The following RBFOX3 variants were observed in gnomAD, a reference collection of about 807,000 sequenced individuals.
RBFOX3 encodes the protein RNA binding fox-1 homolog 3.
RBFOX3 carries 17 observed loss-of-function variants against 48.7 expected under a neutral mutation model. That is an observed-to-expected ratio of 0.35 (90% CI 0.24 to 0.52). The LOEUF is 0.52. RBFOX3 is among the 20% of genes least tolerant of loss of function. The probability of loss-of-function intolerance (pLI) is 0.94; values close to 1 mark genes in which losing one functional copy is unlikely to be tolerated. For missense variants in RBFOX3, 382 were observed against 497.5 expected (o/e 0.77, Z 2.21); for synonymous variants, 212 against 209.5 (o/e 1.01, Z -0.10).
At chr17:79,412,658 A>C (rs570633469) in intron 2 of RBFOX3, among the ~76,000 whole-genome samples, 1 of 150,140 alleles carries the variant, frequency 6.7e-6, no homozygotes, top group Non-Finnish European at 1.5e-5. Flanking sequence ...GTTGTGTGTG[A>C]TATGTGTGAG....
chr17:79,156,835 T>C lies in RBFOX3; in HGVS notation c.-33-41087A>G, dbSNP rs1470001543. 3.3e-5 allele frequency among the ~76,000 whole-genome samples: 5 copies of C among 152,186 alleles called. No individual in the cohort carries two copies. In the South Asian group the frequency reaches 8.3e-4, roughly 25 times the overall value. ...CTGGCTTGCTGGAGTCCTTGGCTTCTGCTGATGGGAACTGGCCCTTCTCAG... is the reference window on the plus strand; with the variant it reads ...CTGGCTTGCTGGAGTCCTTGGCTTCCGCTGATGGGAACTGGCCCTTCTCAG... On this transcript the variant is annotated intron_variant, in intron 4 of 14. Transcript: ENST00000693108.
intron 1 of RBFOX3, among the ~76,000 whole-genome samples, chr17:79,555,818 T>C (rs1019491162): frequency 1.4e-5 from 2 of 138,050 alleles, no homozygotes; most frequent in African/African-American, 5.3e-5. Flanking sequence ...ATGGTGACGA[T>C]GATGATAGTA....
intron 4 of RBFOX3, among the ~76,000 whole-genome samples, chr17:79,165,092 G>C (rs923307722): frequency 6.6e-5 from 10 of 152,304 alleles, no homozygotes; most frequent in Non-Finnish European, 1.2e-4. Flanking sequence ...AGGGTGGGAG[G>C]GGGAGGCATG....
At chr17:79,408,145 C>T (rs77396850) in intron 2 of RBFOX3, among the ~76,000 whole-genome samples, 1,890 of 152,214 alleles carry the variant, frequency 0.012, 46 homozygotes, top group African/African-American at 0.042. Flanking sequence ...AAGGAGCACT[C>T]GCCTCCTGGG....
At chr17:79,512,313 ACAC>A (rs1480800836) in intron 1 of RBFOX3, among the ~76,000 whole-genome samples, 1 of 128,532 alleles carries the variant, frequency 7.8e-6, no homozygotes, top group Non-Finnish European at 1.6e-5. Context: ...TGGCCAGGGA[ACAC>A]CCACCCGGAT....
In RBFOX3 at chr17:79,250,952, G is replaced by A. The variant is rs1304698902; in HGVS notation, c.-73-15147C>T. On this transcript the variant is annotated intron_variant, in intron 3 of 14. Coordinates refer to ENST00000693108, the MANE Select transcript of RBFOX3 (RefSeq NM_001350451.2). ...GCCTCCTGAGTAGCTGGGATTACATGTACGTGCCACCAAGCCCGGCTAATT... is the reference window on the plus strand; with the variant it reads ...GCCTCCTGAGTAGCTGGGATTACATATACGTGCCACCAAGCCCGGCTAATT... 5.3e-5 allele frequency among the ~76,000 whole-genome samples: 8 copies of A among 152,148 alleles called. No homozygotes were observed. The East Asian group carries it at 1.6e-3, about 29-fold the overall frequency.
chr17:79,568,651 C>T (rs984464647), intron 1 of RBFOX3, among the ~76,000 whole-genome samples: 29 of 152,272 alleles, frequency 1.9e-4, no homozygotes, highest in South Asian at 1.2e-3. Context: ...TCGATACATT[C>T]CAAAGAGGTG....
chr17:79,174,569 T>G (rs2050121629), intron 4 of RBFOX3, among the ~76,000 whole-genome samples: 1 of 151,832 alleles, frequency 6.6e-6, no homozygotes, highest in Non-Finnish European at 1.5e-5. Context: ...CACACTCACA[T>G]GCACTCATAC....
chr17:79,448,477 A>C (rs2149104592), intron 2 of RBFOX3, among the ~76,000 whole-genome samples: 1 of 152,324 alleles, frequency 6.6e-6, no homozygotes. Context: ...ACACACAGAG[A>C]AGGCCACGTG....
chr17:79,664,611 G>A, the RBFOX3 span, among the ~76,000 whole-genome samples: 2 of 152,190 alleles, frequency 1.3e-5, no homozygotes, highest in African/African-American at 4.8e-5. Context: ...GCCTCTCAAA[G>A]TGCTGGGATT....
chr17:79,631,472 T>C, the RBFOX3 span, among the ~76,000 whole-genome samples: 1 of 152,090 alleles, frequency 6.6e-6, no homozygotes, highest in Non-Finnish European at 1.5e-5. Flanking sequence ...CTCATCTGCC[T>C]TTCAGGGACT....
chr17:79,523,137 G>C (rs1036006238), intron 1 of RBFOX3, among the ~76,000 whole-genome samples: 70 of 151,876 alleles, frequency 4.6e-4, no homozygotes, highest in Non-Finnish European at 8.2e-4. Context: ...GTGGTGGGGG[G>C]GCGGGTGGTT....
chr17:79,300,335 T>C (rs935163346), intron 3 of RBFOX3, among the ~76,000 whole-genome samples: 18 of 152,068 alleles, frequency 1.2e-4, no homozygotes, highest in African/African-American at 4.1e-4. Context: ...AAGCACTCAA[T>C]ATTGCCCTGG....
At chr17:79,485,949 G>A (rs753404282) in intron 1 of RBFOX3, among the ~76,000 whole-genome samples, 3 of 152,350 alleles carry the variant, frequency 2.0e-5, no homozygotes, top group Non-Finnish European at 2.9e-5. Flanking sequence ...TCCCCACTCC[G>A]CAGTGGGAAA....
intron 2 of RBFOX3, among the ~76,000 whole-genome samples, chr17:79,407,093 T>C (rs768303238): frequency 1.3e-5 from 2 of 152,224 alleles, no homozygotes; most frequent in African/African-American, 2.4e-5. Context: ...CTGCAACCTC[T>C]GCCTCCTGGG....
intron 1 of RBFOX3, among the ~76,000 whole-genome samples, chr17:79,488,156 T>C (rs1305951077): frequency 6.6e-6 from 1 of 151,974 alleles, no homozygotes; most frequent in Non-Finnish European, 1.5e-5. Context: ...CAAGCATACA[T>C]CCTGGATTTT....
At chr17:79,611,848 C>G (rs1380955169), upstream of RBFOX3, among the ~76,000 whole-genome samples, 1 of 152,210 alleles carries the variant, frequency 6.6e-6, no homozygotes, top group South Asian at 2.1e-4. Context: ...ACATTTCCAC[C>G]TGTGCCTGGC....
At chr17:79,564,770 G>A (rs1012479286) in intron 1 of RBFOX3, among the ~76,000 whole-genome samples, 14 of 151,514 alleles carry the variant, frequency 9.2e-5, no homozygotes, top group Non-Finnish European at 1.9e-4. Flanking sequence ...GTAGAAGCTC[G>A]GTGGCTCACG....
chr17:79,273,653 TG>T (rs1321962516), intron 3 of RBFOX3, among the ~76,000 whole-genome samples: 2 of 151,884 alleles, frequency 1.3e-5, no homozygotes, highest in Non-Finnish European at 2.9e-5. Flanking sequence ...GGCACATAGG[TG>T]GTCCCAAGAT....
Sources: allele counts gnomAD v4.1 joint callset (sites outside exome capture counted in the v4.1 genomes callset), GRCh38; gene constraint gnomAD v4.1.1; transcripts MANE v1.5; gene names NCBI Gene and HGNC (gene_info 2026-07-23, HGNC 2026-07-21).